Variants in PLEKHM3 observed in about 807,000 individuals in gnomAD.
PLEKHM3 encodes the protein pleckstrin homology domain containing M3.
In PLEKHM3, 45 loss-of-function variants were observed where a neutral mutation model predicts 81.8. The observed-to-expected ratio is 0.55, with a 90% confidence interval of 0.43 to 0.71. The LOEUF is 0.71. PLEKHM3 is among the 30% of genes least tolerant of loss of function. The pLI is 0.00. For missense variants in PLEKHM3, 788 were observed against 924.3 expected (o/e 0.85, Z 1.91); for synonymous variants, 352 against 356.4 (o/e 0.99, Z 0.14).
At chr2:208,008,373 G>A (rs780590835) in intron 1 of PLEKHM3, among the ~76,000 whole-genome samples, 16 of 151,634 alleles carry the variant, frequency 1.1e-4, no homozygotes, top group Non-Finnish European at 1.8e-4. Context: ...TCATAACTCA[G>A]TGAAAATAAA....
At chr2:207,878,041 C>T (rs1379740559) in intron 6 of PLEKHM3, among the ~76,000 whole-genome samples, 2 of 152,116 alleles carry the variant, frequency 1.3e-5, no homozygotes, top group South Asian at 2.1e-4. Flanking sequence ...TGGGCTCAAA[C>T]GATCTTCCCA....
In PLEKHM3 at chr2:207,904,173, T is replaced by C. The variant is rs140166237; in HGVS notation, c.1950+4341A>G. Among the ~76,000 whole-genome samples the C allele has an allele frequency of 4.7e-3, 720 of 152,228 alleles. 7 individuals are homozygous for C. The highest frequency in any genetic ancestry group is 0.016 in the African/African-American group (672 of 41,532). On this transcript the variant is annotated intron_variant, in intron 6 of 7. Transcript: ENST00000427836. ...TGCATTCATACCTCCTCAAAGAAAG[T>C]TTGTAAGATTTTATTTTTTTAAAAA...
At chr2:207,895,187 C>T (rs1688181976) in intron 6 of PLEKHM3, among the ~76,000 whole-genome samples, 1 of 152,106 alleles carries the variant, frequency 6.6e-6, no homozygotes, top group Non-Finnish European at 1.5e-5. Flanking sequence ...GTTTTCTGGC[C>T]ATCCCTCCCT....
chr2:207,896,624 C>T lies in PLEKHM3; in HGVS notation c.1950+11890G>A, dbSNP rs115470415. On this transcript the variant is annotated intron_variant, in intron 6 of 7. Transcript: ENST00000427836. ...GTTAATTCTAAGAGTAAAGGCCCTT[C>T]GGTCCAGTTCCCTTCCACCTCAATG... 3.0e-3 allele frequency among the ~76,000 whole-genome samples: 458 copies of T among 152,306 alleles called. 6 individuals carry two copies. Among genetic ancestry groups the T allele is most frequent in the African/African-American group, 0.01 (435 of 41,554 alleles).
rs1442067979 is a variant in PLEKHM3 at position 207,977,357 on chromosome 2, C to T, written c.840G>A (p.Leu280=). The change falls in exon 3 of 8, where the codon TTG becomes TTA. Residue 280 remains leucine (L), a synonymous_variant. Transcript: ENST00000427836. ...TTAGCTGTAGCTGAGTGTTGTCATA[C>T]AAAACAGTATCCACCATCCTGGCCT... ...NLEARMVDTV[L]YDNTQLQLKA... The T allele has an allele frequency of 1.8e-5, 29 of 1,614,136 alleles. No homozygotes were observed. The highest frequency in any genetic ancestry group is 2.4e-5 in the Non-Finnish European group (28 of 1,180,024).
chr2:207,871,380 C>T (rs2092533519), intron 6 of PLEKHM3, among the ~76,000 whole-genome samples: 1 of 152,124 alleles, frequency 6.6e-6, no homozygotes, highest in East Asian at 1.9e-4. Context: ...TAGCTCTTAT[C>T]TGATCCTCTC....
chr2:207,984,875 G>A (rs1691663934), intron 2 of PLEKHM3, among the ~76,000 whole-genome samples: 1 of 151,862 alleles, frequency 6.6e-6, no homozygotes, highest in Non-Finnish European at 1.5e-5. Flanking sequence ...TATCTTCACA[G>A]AATTACTTCA....
At position 207,828,501 on chromosome 2, in the gene PLEKHM3, A is replaced by G. The variant is rs774808077; in HGVS notation, c.2109-5T>C. 1.2e-6 allele frequency: 2 copies of G among 1,613,124 alleles called. No homozygotes were observed. Among genetic ancestry groups the G allele is most frequent in the Non-Finnish European group, 1.7e-6 (2 of 1,179,476 alleles). On this transcript the variant is annotated splice_region_variant and splice_polypyrimidine_tract_variant and intron_variant, in intron 7 of 7. Transcript: ENST00000427836. Reference sequence around the variant, plus strand: ...ACGGCTCCACAGCTTTCACACCTGCAAAAGTCAACCATGGATATGATGAGC... The same window carrying G: ...ACGGCTCCACAGCTTTCACACCTGCGAAAGTCAACCATGGATATGATGAGC...
chr2:207,911,222 T>G (rs1688800714), intron 5 of PLEKHM3, among the ~76,000 whole-genome samples: 1 of 152,210 alleles, frequency 6.6e-6, no homozygotes, highest in African/African-American at 2.4e-5. Flanking sequence ...TGTTTGTTTT[T>G]ACTTTGTTTA....
intron 6 of PLEKHM3, among the ~76,000 whole-genome samples, chr2:207,887,681 T>C (rs1480947777): frequency 1.3e-5 from 2 of 152,194 alleles, no homozygotes; most frequent in African/African-American, 2.4e-5. Flanking sequence ...CTAAGATGGA[T>C]TAGTTGGTCC....
chr2:207,889,070 T>C (rs1285292848), intron 6 of PLEKHM3, among the ~76,000 whole-genome samples: 2 of 152,190 alleles, frequency 1.3e-5, no homozygotes, highest in African/African-American at 2.4e-5. Context: ...CCAATTACTT[T>C]GTGGTGATCT....
At chr2:207,972,156 A>C (rs1691144403) in intron 3 of PLEKHM3, among the ~76,000 whole-genome samples, 1 of 152,232 alleles carries the variant, frequency 6.6e-6, no homozygotes, top group Non-Finnish European at 1.5e-5. Context: ...GGTGCATCCA[A>C]GTTTCTGGGC....
At chr2:208,017,715 G>T (rs1452320410) in intron 1 of PLEKHM3, among the ~76,000 whole-genome samples, 1 of 151,978 alleles carries the variant, frequency 6.6e-6, no homozygotes, top group Non-Finnish European at 1.5e-5. Flanking sequence ...CTCCCCTCAA[G>T]AAGCAGTCTG....
chr2:208,004,081 T>C (rs1457663846), intron 1 of PLEKHM3, among the ~76,000 whole-genome samples: 1 of 152,138 alleles, frequency 6.6e-6, no homozygotes, highest in Non-Finnish European at 1.5e-5. Flanking sequence ...TATCTAGATA[T>C]ATTATTTTTT....
intron 4 of PLEKHM3, among the ~76,000 whole-genome samples, chr2:207,942,462 T>G (rs896812261): frequency 7.2e-5 from 11 of 152,290 alleles, no homozygotes; most frequent in African/African-American, 2.6e-4. Flanking sequence ...CAGTGAGCCA[T>G]GACCGTGCTA....
chr2:207,934,908 T>C (rs1039938428), intron 4 of PLEKHM3, among the ~76,000 whole-genome samples: 2 of 151,868 alleles, frequency 1.3e-5, no homozygotes, highest in Non-Finnish European at 2.9e-5. Flanking sequence ...TGAGGGAGAG[T>C]GTTCTGGTAT....
At chr2:207,963,126 T>C (rs1690796015) in intron 3 of PLEKHM3, among the ~76,000 whole-genome samples, 1 of 152,110 alleles carries the variant, frequency 6.6e-6, no homozygotes, top group South Asian at 2.1e-4. Context: ...CCTAAGTCAG[T>C]GTGCCGGGAT....
At chr2:207,943,969 T>C (rs1302458450) in intron 4 of PLEKHM3, among the ~76,000 whole-genome samples, 2 of 151,112 alleles carry the variant, frequency 1.3e-5, no homozygotes, top group Non-Finnish European at 2.9e-5. Context: ...AGATGTCCAA[T>C]AGGCAATTAA....
intron 6 of PLEKHM3, among the ~76,000 whole-genome samples, chr2:207,875,264 A>G (rs531472711): frequency 6.6e-6 from 1 of 152,350 alleles, no homozygotes; most frequent in Non-Finnish European, 1.5e-5. Flanking sequence ...GGCAATTCAG[A>G]AAAACTACAA....
Sources: allele counts gnomAD v4.1 joint callset (sites outside exome capture counted in the v4.1 genomes callset), GRCh38; gene constraint gnomAD v4.1.1; transcripts MANE v1.5; gene names NCBI Gene and HGNC (gene_info 2026-07-23, HGNC 2026-07-21).